SUZ12: variants seen among roughly 807,000 people sequenced by gnomAD.
The protein encoded by SUZ12 is polycomb protein SUZ12.
SUZ12 carries 17 observed loss-of-function variants against 87.3 expected under a neutral mutation model. That is an observed-to-expected ratio of 0.19 (90% confidence interval 0.13 to 0.29). The LOEUF (loss-of-function observed/expected upper bound fraction) is 0.29, where lower values mean the gene tolerates loss of function less well. Among genes scored for constraint, SUZ12 ranks in the 10% least tolerant of loss-of-function variants. The pLI is 1.00. For missense variants in SUZ12, 526 were observed against 912.2 expected, an observed-to-expected ratio of 0.58 and a Z score of 5.45; for synonymous variants, 253 against 312.4, an observed-to-expected ratio of 0.81 and a Z score of 2.01.
In SUZ12 at chr17:31,994,673, G is replaced by T. The variant is rs137920170; in HGVS notation, c.1547G>T (p.Arg516Leu). 6.2e-7 allele frequency: 1 copy of T among 1,613,872 alleles called. No individual in the cohort carries two copies. The highest frequency in any genetic ancestry group is 8.5e-7 in the Non-Finnish European group (1 of 1,179,942). The part of the protein sequence containing the change: ...IHRQPGFAFS[R>L]NGPVKRTPIT... The stretch of plus-strand genomic sequence containing the variant: ...CGCCAACCTGGATTTGCTTTTAGTC[G>T]CAACGGACCAGTTAAGAGAACACCT... Residue 516 changes from arginine (R) to leucine (L), a missense_variant, in exon 13 of 16, where the codon CGC becomes CTC. Arg to Leu is a moderately radical substitution (Grantham distance 102). Transcript: ENST00000322652.
intron 1 of SUZ12, among the ~76,000 whole-genome samples, chr17:31,939,172 G>T (rs1372338076): frequency 6.6e-6 from 1 of 152,012 alleles, no homozygotes; most frequent in African/African-American, 2.4e-5. Flanking sequence ...AATGTATTGA[G>T]GTAATATTTA....
At chr17:31,938,590 CAGAG>C (rs1357848974) in intron 1 of SUZ12, among the ~76,000 whole-genome samples, 1 of 152,154 alleles carries the variant, frequency 6.6e-6, no homozygotes, top group Non-Finnish European at 1.5e-5. Flanking sequence ...GAACCTGCTT[CAGAG>C]AGATTCACAT....
intron 10 of SUZ12, among the ~76,000 whole-genome samples, chr17:31,991,010 G>C (rs1416016805): frequency 6.6e-6 from 1 of 152,152 alleles, no homozygotes; most frequent in African/African-American, 2.4e-5. Flanking sequence ...GCATCCCAAA[G>C]TACTGGGACT....
chr17:31,994,036 T>C (rs758062577), intron 12 of SUZ12, 28 bp downstream of exon 12: 1 of 1,603,954 alleles, frequency 6.2e-7, no homozygotes, highest in Non-Finnish European at 8.5e-7. Flanking sequence ...TTTTCTCAAT[T>C]TGTGTTAAGA....
intron 8 of SUZ12, among the ~76,000 whole-genome samples, chr17:31,978,930 A>T (rs954779908): frequency 3.8e-4 from 58 of 151,726 alleles, no homozygotes; most frequent in African/African-American, 1.4e-3. Flanking sequence ...ACATGGTGAA[A>T]CCCCATCTCT....
At chr17:31,974,709 G>T (rs1003183290) in intron 6 of SUZ12, among the ~76,000 whole-genome samples, 4 of 152,014 alleles carry the variant, frequency 2.6e-5, no homozygotes, top group African/African-American at 7.2e-5. Context: ...GACCTGGGGG[G>T]GTGGGTGAGA....
Position 31,994,485 on chromosome 17 carries a change from C to T in SUZ12, c.1438-79C>T, listed in dbSNP as rs1050719346. ...TTTAGTTTTCTAAATATTAAGAGCC[C>T]ACAAATTCTTTAATTAAATTGGAGG... On this transcript the variant is annotated intron_variant, in intron 12 of 15. Coordinates refer to ENST00000322652, the MANE Select transcript of SUZ12 (RefSeq NM_015355.4). 6.0e-6 allele frequency: 8 copies of T among 1,324,384 alleles called. No individual in the cohort carries two copies. In the African/African-American group the frequency reaches 1.2e-4, roughly 20 times the overall value. 82.0% of individuals were successfully genotyped at this position (1,324,384 alleles called of 1,614,324 possible). A position where few individuals can be genotyped will look rare whatever the true frequency, so the allele number is the denominator to read the frequency against.
intron 15 of SUZ12, among the ~76,000 whole-genome samples, chr17:31,998,305 T>A (rs1206457750): frequency 6.6e-6 from 1 of 152,108 alleles, no homozygotes; most frequent in African/African-American, 2.4e-5. Context: ...GGTCTTGATC[T>A]CCTGATCTTG....
chr17:31,993,716 C>G, intron 11 of SUZ12, 149 bp from the exon 12 acceptor site: 1 of 817,914 alleles, frequency 1.2e-6, no homozygotes, highest in Non-Finnish European at 1.8e-6. Context: ...TGAGTGACCT[C>G]GCGTCACTGG....
At chr17:31,992,000 C>CACCAATTAAACACCAATTAAA (rs1909744315) in intron 10 of SUZ12, among the ~76,000 whole-genome samples, 1 of 151,930 alleles carries the variant, frequency 6.6e-6, no homozygotes, top group East Asian at 1.9e-4. Flanking sequence ...CCAATTAAAA[C>CACCAATTAAACACCAATTAAA]CACACTCTGG....
In SUZ12 at chr17:32,000,021, G is replaced by C. The variant is rs917981560; in HGVS notation, c.*1018G>C. On this transcript the variant is annotated 3_prime_UTR_variant, in exon 16 of 16. Transcript: ENST00000322652. Reference sequence around the variant, plus strand: ...GATAAGCTGACTTGAATCATTTTGAGCAATTTTGCCCTGTGTTATATGTGT... The same window carrying C: ...GATAAGCTGACTTGAATCATTTTGACCAATTTTGCCCTGTGTTATATGTGT... The C allele has an allele frequency of 2.3e-4, 54 of 232,668 alleles. No homozygotes were observed. Among genetic ancestry groups the C allele is most frequent in the African/African-American group, 1.2e-3 (53 of 45,298 alleles). The allele number at this position is 232,668 out of a possible 1,614,324, so 14.4% of individuals were successfully genotyped here. A position where few individuals can be genotyped will look rare whatever the true frequency, so the allele number is the denominator to read the frequency against.
chr17:31,997,609 T>C (rs1910042358), intron 15 of SUZ12, among the ~76,000 whole-genome samples: 1 of 139,820 alleles, frequency 7.2e-6, no homozygotes, highest in African/African-American at 2.8e-5. Context: ...GAAATTGCAG[T>C]GAGCCAAGAT....
Position 31,976,542 on chromosome 17 carries a change from C to A in SUZ12, c.845C>A (p.Ala282Asp). 1 of 1,612,584 alleles carries A rather than the reference C, an allele frequency of 6.2e-7. No individual in the cohort carries two copies. The highest frequency in any genetic ancestry group is 8.5e-7 in the Non-Finnish European group (1 of 1,179,218). The change falls in exon 8 of 16, where the codon GCC (alanine) becomes GAC (aspartate). Residue 282 changes from alanine to aspartate, a missense_variant. Ala to Asp is a moderately radical substitution (Grantham distance 126). This residue lies in a region of SUZ12 where 73 missense variants were observed against 133.8 expected (regional missense o/e 0.55). Coordinates refer to ENST00000322652, the MANE Select transcript of SUZ12 (RefSeq NM_015355.4). ...ENIDVNEELP[A>D]RRKRNREDGE... The stretch of plus-strand genomic sequence containing the variant: ...TTAGATGTCAATGAAGAGCTTCCAG[C>A]CAGAAGAAAACGAAATCGTGAGGAT...
At chr17:31,993,440 G>C (rs1175352737) in intron 11 of SUZ12, 107 bp downstream of exon 11, 1 of 810,836 alleles carries the variant, frequency 1.2e-6, no homozygotes, top group East Asian at 3.0e-5. Context: ...TTATTTATTT[G>C]AGACAGGATC....
chr17:31,984,671 C>A (rs941781686), intron 9 of SUZ12, among the ~76,000 whole-genome samples: 3 of 152,062 alleles, frequency 2.0e-5, no homozygotes, highest in Non-Finnish European at 4.4e-5. Context: ...GTCAAGGACT[C>A]TCACGCAGTT....
chr17:31,999,628 T>C lies in SUZ12; in HGVS notation c.*625T>C, dbSNP rs1181879427. ...AAATAGCACTTCTTCATCTTATGCC[T>C]GTTTGAGAAGATATTAAATTTTCAC... On this transcript the variant is annotated 3_prime_UTR_variant, in exon 16 of 16. Transcript: ENST00000322652. The C allele has an allele frequency of 1.7e-5, 4 of 231,940 alleles. No individual in the cohort carries two copies. The highest frequency in any genetic ancestry group is 3.4e-5 in the Non-Finnish European group (4 of 117,334). The allele number at this position is 231,940 out of a possible 1,614,324, so 14.4% of individuals were successfully genotyped here. A position where few individuals can be genotyped will look rare whatever the true frequency, so the allele number is the denominator to read the frequency against.
intron 3 of SUZ12, among the ~76,000 whole-genome samples, chr17:31,941,280 A>C (rs899426013): frequency 6.7e-6 from 1 of 148,438 alleles, no homozygotes; most frequent in African/African-American, 2.5e-5. Context: ...TTTTTGAGAG[A>C]AGTCTCACTC....
chr17:31,980,979 C>T (rs1242952388), intron 8 of SUZ12, among the ~76,000 whole-genome samples: 3 of 151,616 alleles, frequency 2.0e-5, no homozygotes, highest in African/African-American at 7.3e-5. Flanking sequence ...CTGTAGTGAG[C>T]TATGATTGTG....
Position 31,975,452 on chromosome 17 carries a change from A to G in SUZ12, c.592-30A>G, listed in dbSNP as rs554436366. 5.6e-6 allele frequency: 8 copies of G among 1,439,836 alleles called. No individual in the cohort carries two copies. The Admixed American group carries it at 1.7e-4, about 31-fold the overall frequency. The allele number at this position is 1,439,836 out of a possible 1,614,324, so 89.2% of individuals were successfully genotyped here. A position where few individuals can be genotyped will look rare whatever the true frequency, so the allele number is the denominator to read the frequency against. ...AATTCTTATTGCTTATATACAAATA[A>G]ATATAAATTAATAATGTTTACCTTT... On this transcript the variant is annotated intron_variant, in intron 6 of 15. Coordinates refer to ENST00000322652, the MANE Select transcript of SUZ12 (RefSeq NM_015355.4).
Sources: gnomAD v4.1 joint callset for allele counts (sites outside exome capture counted in the v4.1 genomes callset) on GRCh38, gnomAD v4.1.1 for gene constraint, gnomAD v4.1.1 regional missense constraint, MANE v1.5 for transcripts, NCBI Gene and HGNC (gene_info 2026-07-23, HGNC 2026-07-21) for gene names.